Variants in PAQR8 observed in about 807,000 individuals in gnomAD.
PAQR8 encodes the protein progestin and adipoQ receptor family member 8.
A neutral mutation model predicts 25.2 loss-of-function variants in PAQR8; 17 were observed. That is an observed-to-expected ratio of 0.67 (90% CI 0.46 to 1.01). The LOEUF is 1.01. Among genes scored for constraint, PAQR8 ranks in the 50% least tolerant of loss-of-function variants. The probability of loss-of-function intolerance (pLI) is 0.00; values close to 1 mark genes in which losing one functional copy is unlikely to be tolerated. For synonymous variants in PAQR8, 204 were observed against 190.6 expected (o/e 1.07, Z -0.58); for missense variants, 392 against 448.4 (o/e 0.87, Z 1.14).
chr6:52,362,716 C>T lies in PAQR8; in HGVS notation c.-53+467C>T, dbSNP rs981340511. On this transcript the variant is annotated intron_variant, in intron 1 of 1. Coordinates refer to ENST00000442253, the MANE Select transcript of PAQR8 (RefSeq NM_133367.5). The surrounding 1 kb of genome is among the most constrained non-coding windows in gnomAD (Gnocchi z 4.1). ...CTGTCCGCATTTGTGGGGCGCCCTC[C>T]GCAGGGCGGAGGGGAACGGAACCTG... 1.3e-5 allele frequency among the ~76,000 whole-genome samples: 2 copies of T among 152,120 alleles called. No homozygotes were observed. The highest frequency in any genetic ancestry group is 2.4e-5 in the African/African-American group (1 of 41,434).
chr6:52,381,403 T>C (rs891188836), intron 1 of PAQR8, among the ~76,000 whole-genome samples: 6 of 151,318 alleles, frequency 4.0e-5, no homozygotes, highest in African/African-American at 1.5e-4. Flanking sequence ...AGCCCAGGAG[T>C]TCAAGATCAG....
chr6:52,374,039 C>T (rs921449358), intron 1 of PAQR8, among the ~76,000 whole-genome samples: 9 of 152,170 alleles, frequency 5.9e-5, no homozygotes, highest in Non-Finnish European at 1.3e-4. Context: ...CACCTCCCCA[C>T]TCCCTCTCTT....
chr6:52,363,343 C>T (rs1763313158), intron 1 of PAQR8, among the ~76,000 whole-genome samples: 1 of 152,136 alleles, frequency 6.6e-6, no homozygotes, highest in Admixed American at 6.5e-5. Flanking sequence ...TATTTCTTAG[C>T]TGGGTTAGAA....
At chr6:52,384,617 C>T (rs1487593668) in intron 1 of PAQR8, among the ~76,000 whole-genome samples, 1 of 152,008 alleles carries the variant, frequency 6.6e-6, no homozygotes, top group Non-Finnish European at 1.5e-5. Flanking sequence ...GAATTTCAAA[C>T]CTGAAATCTT....
At chr6:52,371,965 C>G (rs1162131219) in intron 1 of PAQR8, among the ~76,000 whole-genome samples, 1 of 152,190 alleles carries the variant, frequency 6.6e-6, no homozygotes, top group Non-Finnish European at 1.5e-5. Flanking sequence ...GCATATCTAG[C>G]TTGGCATTAC....
chr6:52,369,113 TA>T (rs1179349673), intron 1 of PAQR8, among the ~76,000 whole-genome samples: 1 of 152,204 alleles, frequency 6.6e-6, no homozygotes, highest in Non-Finnish European at 1.5e-5. Context: ...ATCAGAGCAA[TA>T]TTTTTTGAAT....
intron 1 of PAQR8, among the ~76,000 whole-genome samples, chr6:52,386,087 T>G (rs1019063180): frequency 1.3e-5 from 2 of 151,776 alleles, no homozygotes; most frequent in Non-Finnish European, 2.9e-5. Flanking sequence ...CAAAAACATA[T>G]GAAAAAATGC....
In PAQR8 at chr6:52,403,235, C is replaced by A; in HGVS notation, c.22C>A (p.Arg8Ser). 1 of 1,598,014 alleles carries A rather than the reference C, an allele frequency of 6.3e-7. No homozygotes were observed. MTTAILE[R>S]LSTLSVSGQQ... ...TGCCATGACGACCGCCATCTTGGAG[C>A]GCCTGAGCACCCTGTCGGTCAGCGG... Residue 8 changes from arginine (R) to serine (S), a missense_variant, in exon 2 of 2, where the codon CGC (arginine) becomes AGC (serine). By Grantham distance (110) the Arg-to-Ser change is moderately radical. Coordinates refer to ENST00000442253, the MANE Select transcript of PAQR8 (RefSeq NM_133367.5).
intron 1 of PAQR8, among the ~76,000 whole-genome samples, chr6:52,385,497 A>G (rs775733464): frequency 1.2e-4 from 18 of 152,242 alleles, no homozygotes; most frequent in Admixed American, 3.3e-4. Context: ...GCCTTGGGGA[A>G]GATTTATAAC....
At chr6:52,379,619 C>CTTTTTTTTTTTTTTTTTTTTTTGT (rs1763528601) in intron 1 of PAQR8, among the ~76,000 whole-genome samples, 1 of 77,236 alleles carries the variant, frequency 1.3e-5, no homozygotes, top group Non-Finnish European at 2.5e-5. Context: ...ACCCAGCTTT[C>CTTTTTTTTTTTTTTTTTTTTTTGT]TTTTTTTTTT....
At chr6:52,379,149 G>C (rs1173919308) in intron 1 of PAQR8, among the ~76,000 whole-genome samples, 1 of 146,918 alleles carries the variant, frequency 6.8e-6, no homozygotes, top group Non-Finnish European at 1.5e-5. Context: ...TGACATGGAT[G>C]ACCCTTGGGG....
intron 1 of PAQR8, among the ~76,000 whole-genome samples, chr6:52,391,025 A>G (rs1314329931): frequency 6.6e-6 from 1 of 152,256 alleles, no homozygotes; most frequent in Non-Finnish European, 1.5e-5. Flanking sequence ...TCCAGAAGAA[A>G]AGTAAAATTC....
chr6:52,393,329 C>G (rs941277796), intron 1 of PAQR8, among the ~76,000 whole-genome samples: 1 of 122,066 alleles, frequency 8.2e-6, no homozygotes, highest in Non-Finnish European at 1.7e-5. Flanking sequence ...GACACTTTCT[C>G]TCTCTTTTTT....
In PAQR8 at chr6:52,403,543, G is replaced by A. The variant is rs1371140244; in HGVS notation, c.330G>A (p.Leu110=). Residue 110 remains leucine, a synonymous_variant, in exon 2 of 2, where the codon CTG becomes CTA. Transcript: ENST00000442253. ...TGCCATGGGCGTCTACCCACTCCCT[G>A]CCTCTGCTCCTCTTCATCCTGTCGT... The part of the protein sequence containing the change: ...EALPWASTHS[L]PLLLFILSSI... 1.2e-6 allele frequency: 2 copies of A among 1,614,028 alleles called. No homozygotes were observed. Among genetic ancestry groups the A allele is most frequent in the African/African-American group, 1.3e-5 (1 of 75,072 alleles).
chr6:52,398,197 CTTTTTTCT>C (rs766686228), intron 1 of PAQR8, among the ~76,000 whole-genome samples: 3,820 of 133,586 alleles, frequency 0.029, 99 homozygotes, highest in East Asian at 0.18. Context: ...TTTTTCTTTT[CTTTTTTCT>C]TTTTTTTTTT....
intron 1 of PAQR8, among the ~76,000 whole-genome samples, chr6:52,381,689 T>C (rs1763561697): frequency 6.6e-6 from 1 of 152,232 alleles, no homozygotes; most frequent in Admixed American, 6.5e-5. Flanking sequence ...ATGTTTGATT[T>C]CTTTTAGTTC....
intron 1 of PAQR8, among the ~76,000 whole-genome samples, chr6:52,383,787 T>C (rs970194084): frequency 1.3e-5 from 2 of 152,176 alleles, no homozygotes; most frequent in African/African-American, 2.4e-5. Flanking sequence ...TGCTTACAGA[T>C]GCAGATAAAG....
Position 52,404,686 on chromosome 6 carries a change from A to G in PAQR8, c.*408A>G, listed in dbSNP as rs758499970. On this transcript the variant is annotated 3_prime_UTR_variant, in exon 2 of 2. Coordinates refer to ENST00000442253, the MANE Select transcript of PAQR8 (RefSeq NM_133367.5). ...CTCACCCTGTTGGAATGGCTATCCT[A>G]CTATGCTGTTCTTTGGTAATGGAAT... The G allele has an allele frequency of 9.7e-5, 18 of 184,936 alleles. 1 individual carries two copies. Among genetic ancestry groups the G allele is most frequent in the Non-Finnish European group, 2.3e-4 (18 of 77,802 alleles). The allele number at this position is 184,936 out of a possible 1,614,324, so 11.5% of individuals were successfully genotyped here.
At chr6:52,378,256 T>A (rs1763508026) in intron 1 of PAQR8, among the ~76,000 whole-genome samples, 1 of 152,202 alleles carries the variant, frequency 6.6e-6, no homozygotes, top group Non-Finnish European at 1.5e-5. Context: ...TAAAGAACAG[T>A]AACAGTGAAG....
Sources: gnomAD v4.1 joint callset for allele counts (sites outside exome capture counted in the v4.1 genomes callset) on GRCh38, gnomAD v4.1.1 for gene constraint, Gnocchi (gnomAD v3.1) non-coding constraint, MANE v1.5 for transcripts, NCBI Gene and HGNC (gene_info 2026-07-23, HGNC 2026-07-21) for gene names.